RNLS: variants seen among roughly 807,000 people sequenced by gnomAD.
RNLS encodes the protein renalase.
RNLS carries 39 observed loss-of-function variants against 39.8 expected under a neutral mutation model. The ratio of observed to expected loss-of-function variants is 0.98; its 90% CI spans 0.76 to 1.28. RNLS has a LOEUF of 1.28. Ranked by LOEUF, RNLS falls within the 50% of genes most tolerant of loss-of-function variation. The pLI is 0.00. For synonymous variants in RNLS, 147 were observed against 150.7 expected, an observed-to-expected ratio of 0.98 and a Z score of 0.18; for missense variants, 410 against 413.3, an observed-to-expected ratio of 0.99 and a Z score of 0.07.
intron 4 of RNLS, among the ~76,000 whole-genome samples, chr10:88,512,776 C>T (rs1338691010): frequency 6.6e-6 from 1 of 152,140 alleles, no homozygotes; most frequent in Non-Finnish European, 1.5e-5. Flanking sequence ...ACCTTTGTGC[C>T]TTTTGCTTAG....
rs752787672 is a variant in RNLS, at chr10:88,582,239, T to TG, written c.186dup (p.Ile63HisfsTer16). ...TTGGCATAATGAGGAGTGCAGGTGA[T>TG]GTACTGAGCACCCAAGTCAGCTGTG... On this transcript the variant is annotated frameshift_variant, in exon 2 of 7. Coordinates refer to ENST00000331772, the MANE Select transcript of RNLS (RefSeq NM_001031709.3). LOFTEE classifies it high-confidence loss of function. The TG allele has an allele frequency of 4.3e-6, 7 of 1,614,106 alleles. No individual in the cohort carries two copies. In the South Asian group the frequency reaches 7.7e-5, roughly 18 times the overall value.
intron 4 of RNLS, among the ~76,000 whole-genome samples, chr10:88,566,237 T>C (rs975950943): frequency 6.6e-6 from 1 of 151,856 alleles, no homozygotes; most frequent in African/African-American, 2.4e-5. Context: ...AAAATATTTA[T>C]AAATATTTCT....
chr10:88,325,072 C>T (rs922110580), intron 5 of RNLS, among the ~76,000 whole-genome samples: 1 of 152,148 alleles, frequency 6.6e-6, no homozygotes, highest in Non-Finnish European at 1.5e-5. Flanking sequence ...GTTGCTTCTA[C>T]CTTTTAGCTA....
At chr10:88,465,733 GTCTT>G (rs1454104767) in intron 4 of RNLS, among the ~76,000 whole-genome samples, 1 of 152,000 alleles carries the variant, frequency 6.6e-6, no homozygotes, top group Non-Finnish European at 1.5e-5. Flanking sequence ...GTTAATGCCT[GTCTT>G]TATTTATTTA....
At chr10:88,562,965 A>G (rs1477475375) in intron 4 of RNLS, among the ~76,000 whole-genome samples, 1 of 152,192 alleles carries the variant, frequency 6.6e-6, no homozygotes, top group African/African-American at 2.4e-5. Context: ...CTTATTCACA[A>G]TCTCCATAAA....
rs757600027 is a variant in RNLS at position 88,314,546 on chromosome 10, C to G, written c.796G>C (p.Val266Leu). ...AAAATGTTTTCCAGCTGCTGGAAGACTAACTCTTGCACATCCTCAATGCTG... is the reference window on the plus strand; with the variant it reads ...AAAATGTTTTCCAGCTGCTGGAAGAGTAACTCTTGCACATCCTCAATGCTG... Reference protein sequence around the residue: ...EHSIEDVQELVFQQLENILPG... With the variant: ...EHSIEDVQELLFQQLENILPG... The change falls in exon 6 of 7, where the codon GTC becomes CTC. Residue 266 changes from valine (V) to leucine (L), a missense_variant. By Grantham distance (32) the Val-to-Leu change is conservative (BLOSUM62 1). Coordinates refer to ENST00000331772, the MANE Select transcript of RNLS (RefSeq NM_001031709.3). 1 of 1,614,002 alleles carries G rather than the reference C, an allele frequency of 6.2e-7. No homozygotes were observed. The highest frequency in any genetic ancestry group is 1.7e-5 in the Admixed American group (1 of 60,012).
intron 3 of RNLS, among the ~76,000 whole-genome samples, chr10:88,581,234 TCCC>T (rs1440490129): frequency 6.6e-6 from 1 of 150,528 alleles, no homozygotes; most frequent in Non-Finnish European, 1.5e-5. Flanking sequence ...GCAAAATTAT[TCCC>T]TTTTATATTT....
rs143412263 is a variant in RNLS at position 88,405,993 on chromosome 10, G to A, written c.527-43268C>T. Among the ~76,000 whole-genome samples, 88 of 152,060 alleles carry A rather than the reference G, an allele frequency of 5.8e-4. 1 individual carries two copies. In the East Asian group the frequency reaches 0.015, roughly 26 times the overall value. ...TCCTTCATATATGATGCTTAGTTTC[G>A]CTGGATACAAAATTCTTGGCTGATA... On this transcript the variant is annotated intron_variant, in intron 4 of 6. Transcript: ENST00000331772.
intron 4 of RNLS, among the ~76,000 whole-genome samples, chr10:88,492,043 T>A (rs1276685199): frequency 6.6e-6 from 1 of 151,590 alleles, no homozygotes; most frequent in Non-Finnish European, 1.5e-5. Context: ...CAAAACTAGA[T>A]TTGAGAAAAG....
chr10:88,395,900 A>G lies in RNLS; in HGVS notation c.527-33175T>C, dbSNP rs1176338916. ...CAATAGGATTAGCAGCTGATTTCTC[A>G]TCAGAAACTATGGTGGTCAGAATGC... On this transcript the variant is annotated intron_variant, in intron 4 of 6. Transcript: ENST00000331772. 2.0e-5 allele frequency among the ~76,000 whole-genome samples: 3 copies of G among 152,130 alleles called. No individual in the cohort carries two copies. In the South Asian group the frequency reaches 6.2e-4, roughly 32 times the overall value.
intron 4 of RNLS, among the ~76,000 whole-genome samples, chr10:88,479,198 C>T (rs1844003301): frequency 6.6e-6 from 1 of 152,194 alleles, no homozygotes; most frequent in Non-Finnish European, 1.5e-5. Context: ...TCAACAACCT[C>T]TTGTTGCCTT....
intron 4 of RNLS, among the ~76,000 whole-genome samples, chr10:88,483,146 T>C (rs1049638324): frequency 6.6e-6 from 1 of 152,180 alleles, no homozygotes; most frequent in Non-Finnish European, 1.5e-5. Context: ...CAGTAAAGCA[T>C]TCATCCTCTG....
At chr10:88,433,509 T>C (rs924720543) in intron 4 of RNLS, among the ~76,000 whole-genome samples, 1 of 152,098 alleles carries the variant, frequency 6.6e-6, no homozygotes. Flanking sequence ...ATAATATTTA[T>C]TTTACAATAT....
At chr10:88,239,747 T>C in the RNLS span, among the ~76,000 whole-genome samples, 1 of 152,184 alleles carries the variant, frequency 6.6e-6, no homozygotes, top group African/African-American at 2.4e-5. Flanking sequence ...GTAATTTGGT[T>C]TGGTTTATTT....
rs190245671 is a variant in RNLS, at chr10:88,435,879, C to A, written c.527-73154G>T. Among the ~76,000 whole-genome samples, 604 of 152,234 alleles carry A rather than the reference C, an allele frequency of 4.0e-3. 1 individual carries two copies. The highest frequency in any genetic ancestry group is 6.7e-3 in the Non-Finnish European group (457 of 68,012). ...GTTGTTGTTACAGTCATACTCCATACTCCATTCCTGGTTACTAATGTTATA... is the reference window on the plus strand; with the variant it reads ...GTTGTTGTTACAGTCATACTCCATAATCCATTCCTGGTTACTAATGTTATA... On this transcript the variant is annotated intron_variant, in intron 4 of 6. Coordinates refer to ENST00000331772, the MANE Select transcript of RNLS (RefSeq NM_001031709.3).
intron 4 of RNLS, among the ~76,000 whole-genome samples, chr10:88,411,673 G>A (rs778177115): frequency 6.6e-6 from 1 of 152,080 alleles, no homozygotes; most frequent in Non-Finnish European, 1.5e-5. Flanking sequence ...CCCTCATGGA[G>A]AACATACCTA....
intron 4 of RNLS, among the ~76,000 whole-genome samples, chr10:88,524,604 C>T (rs542069899): frequency 5.9e-5 from 9 of 151,998 alleles, no homozygotes; most frequent in African/African-American, 2.2e-4. Flanking sequence ...CAAAATTTAA[C>T]ATTCAGTTCT....
chr10:88,499,992 G>T (rs1441452062), intron 4 of RNLS, among the ~76,000 whole-genome samples: 1 of 152,124 alleles, frequency 6.6e-6, no homozygotes, highest in Non-Finnish European at 1.5e-5. Flanking sequence ...GGCAGGTGAG[G>T]CTTGGAGAAA....
chr10:88,423,771 T>C (rs969388213), intron 4 of RNLS, among the ~76,000 whole-genome samples: 2 of 152,218 alleles, frequency 1.3e-5, no homozygotes, highest in Non-Finnish European at 2.9e-5. Flanking sequence ...TTCTCCTCAA[T>C]TCCTTGTGTC....
Sources: allele counts gnomAD v4.1 joint callset (sites outside exome capture counted in the v4.1 genomes callset), GRCh38; gene constraint gnomAD v4.1.1; transcripts MANE v1.5; gene names NCBI Gene and HGNC (gene_info 2026-07-23, HGNC 2026-07-21).